The following CYP27A1 variants were observed in gnomAD, a reference collection of about 807,000 sequenced individuals.
CYP27A1 encodes the protein sterol 26-hydroxylase, mitochondrial.
A neutral mutation model predicts 58.2 loss-of-function variants in CYP27A1; 46 were observed. The observed-to-expected ratio is 0.79, with a 90% CI of 0.62 to 1.01. CYP27A1 has a LOEUF of 1.01. Among genes scored for constraint, CYP27A1 ranks in the 50% least tolerant of loss-of-function variants. CYP27A1 has a pLI of 0.00. For synonymous variants in CYP27A1, 274 were observed against 285.1 expected (o/e 0.96, Z 0.39); for missense variants, 704 against 687.0 (o/e 1.02, Z -0.28).
chr2:218,805,378 A>C (rs536877129), intron 1 of CYP27A1, among the ~76,000 whole-genome samples: 2 of 152,158 alleles, frequency 1.3e-5, no homozygotes, highest in Non-Finnish European at 2.9e-5. Context: ...TGAGTGTCTT[A>C]TTAATGTGCT....
intron 1 of CYP27A1, among the ~76,000 whole-genome samples, chr2:218,783,672 G>A (rs914967366): frequency 6.6e-6 from 1 of 152,194 alleles, no homozygotes; most frequent in Non-Finnish European, 1.5e-5. Context: ...AGAACTCTGG[G>A]GGAGAAGCTG....
In CYP27A1 at chr2:218,809,737, A is replaced by C; in HGVS notation, c.416A>C (p.Gln139Pro). Reference sequence around the variant, plus strand: ...GAGCTATGGAAGGAGCACCGGGACCAGCACGACCTGACCTATGGGCCGTTC... The same window carrying C: ...GAGCTATGGAAGGAGCACCGGGACCCGCACGACCTGACCTATGGGCCGTTC... ...DMELWKEHRD[Q>P]HDLTYGPFTT... Residue 139 changes from glutamine (Q) to proline (P), a missense_variant, in exon 2 of 9, where the codon CAG becomes CCG. Physicochemically the swap from Gln to Pro is moderately conservative, Grantham distance 76. Coordinates refer to ENST00000258415, the MANE Select transcript of CYP27A1 (RefSeq NM_000784.4). 2 of 1,614,022 alleles carry C rather than the reference A, an allele frequency of 1.2e-6. No individual in the cohort carries two copies. The highest frequency in any genetic ancestry group is 2.2e-5 in the South Asian group (2 of 91,082).
At chr2:218,787,337 A>G (rs1943450255) in intron 1 of CYP27A1, among the ~76,000 whole-genome samples, 1 of 152,192 alleles carries the variant, frequency 6.6e-6, no homozygotes, top group African/African-American at 2.4e-5. Flanking sequence ...TGAAGAAAAG[A>G]CAATGAGGGA....
chr2:218,799,697 C>T (rs1943581109), intron 1 of CYP27A1, among the ~76,000 whole-genome samples: 1 of 152,036 alleles, frequency 6.6e-6, no homozygotes, highest in African/African-American at 2.4e-5. Context: ...ATACATACAT[C>T]CTATTGTTTC....
chr2:218,794,793 C>T (rs1044455410), intron 1 of CYP27A1, among the ~76,000 whole-genome samples: 2 of 152,110 alleles, frequency 1.3e-5, no homozygotes, highest in Non-Finnish European at 2.9e-5. Context: ...GGCTCCTTTT[C>T]AAAGGGGTCC....
rs139415581 is a variant in CYP27A1 at position 218,809,741 on chromosome 2, C to A, written c.420C>A (p.His140Gln). ...TATGGAAGGAGCACCGGGACCAGCA[C>A]GACCTGACCTATGGGCCGTTCACCA... ...MELWKEHRDQ[H>Q]DLTYGPFTTE... Residue 140 changes from histidine (H) to glutamine (Q), a missense_variant, in exon 2 of 9, where the codon CAC (histidine) becomes CAA (glutamine). Coordinates refer to ENST00000258415, the MANE Select transcript of CYP27A1 (RefSeq NM_000784.4). 6.2e-7 allele frequency: 1 copy of A among 1,613,892 alleles called. No homozygotes were observed. The highest frequency in any genetic ancestry group is 8.5e-7 in the Non-Finnish European group (1 of 1,179,830).
intron 2 of CYP27A1, among the ~76,000 whole-genome samples, chr2:218,811,069 T>C (rs904332770): frequency 1.2e-4 from 19 of 152,198 alleles, no homozygotes; most frequent in African/African-American, 4.6e-4. Flanking sequence ...GAGAATCGCT[T>C]GAACCTGGGA....
chr2:218,796,585 C>T (rs1943550138), intron 1 of CYP27A1, among the ~76,000 whole-genome samples: 1 of 152,142 alleles, frequency 6.6e-6, no homozygotes, highest in Non-Finnish European at 1.5e-5. Flanking sequence ...CAGAGCAAGA[C>T]TCTGTCTCAA....
chr2:218,782,190 C>T lies in CYP27A1; in HGVS notation c.8C>T (p.Ala3Val). 9.8e-6 allele frequency: 15 copies of T among 1,536,850 alleles called. No homozygotes were observed. Among genetic ancestry groups the T allele is most frequent in the Non-Finnish European group, 1.3e-5 (15 of 1,146,006 alleles). The change falls in exon 1 of 9, where the codon GCG becomes GTG. Residue 3 changes from alanine (A) to valine (V), a missense_variant. By Grantham distance (64) the Ala-to-Val change is moderately conservative (BLOSUM62 0). Coordinates refer to ENST00000258415, the MANE Select transcript of CYP27A1 (RefSeq NM_000784.4). The surrounding 1 kb of genome is among the most constrained non-coding windows in gnomAD (Gnocchi z 4.1). Reference sequence around the variant, plus strand: ...GGCGCGCGAGCACAACCCATGGCTGCGCTGGGCTGCGCGAGGCTGAGGTGG... The same window carrying T: ...GGCGCGCGAGCACAACCCATGGCTGTGCTGGGCTGCGCGAGGCTGAGGTGG... Reference protein sequence around the residue: MAALGCARLRWAL... With the variant: MAVLGCARLRWAL...
At chr2:218,806,951 ATTTTTTT>A (rs10647379) in intron 1 of CYP27A1, among the ~76,000 whole-genome samples, 4 of 100,512 alleles carry the variant, frequency 4.0e-5, no homozygotes, top group African/African-American at 1.3e-4. Flanking sequence ...CTCCTAGGGA[ATTTTTTT>A]TTTTTTTTTT....
At chr2:218,798,280 C>T (rs1472990213) in intron 1 of CYP27A1, among the ~76,000 whole-genome samples, 1 of 152,234 alleles carries the variant, frequency 6.6e-6, no homozygotes, top group Non-Finnish European at 1.5e-5. Context: ...TCTGGGATTA[C>T]AGGCATGGGT....
chr2:218,798,863 A>T (rs1696120632), intron 1 of CYP27A1, among the ~76,000 whole-genome samples: 1 of 149,468 alleles, frequency 6.7e-6, no homozygotes, highest in Non-Finnish European at 1.5e-5. Context: ...AGCCTGGGTG[A>T]CAGAGCGAGA....
chr2:218,809,543 G>C, intron 1 of CYP27A1, 34 bp from the exon 2 acceptor site: 1 of 1,512,736 alleles, frequency 6.6e-7, no homozygotes, highest in Non-Finnish European at 8.9e-7. Flanking sequence ...TGCCCAGCTT[G>C]GCCCAGTTAT....
intron 1 of CYP27A1, among the ~76,000 whole-genome samples, chr2:218,799,848 G>A (rs758538006): frequency 6.6e-6 from 1 of 151,422 alleles, no homozygotes; most frequent in Non-Finnish European, 1.5e-5. Context: ...CCAATGACTT[G>A]TGCCCAGTGT....
Position 218,812,338 on chromosome 2 carries a change from G to T in CYP27A1, c.563G>T (p.Arg188Leu). Reference protein sequence around the residue: ...FNEVIDDFMTRLDQLRAESAS... With the variant: ...FNEVIDDFMTLLDQLRAESAS... ...GAGGTGATTGATGACTTTATGACTC[G>T]ACTGGACCAGCTGCGGGCAGAGAGT... Residue 188 changes from arginine to leucine, a missense_variant, in exon 3 of 9, where the codon CGA becomes CTA. By Grantham distance (102) the Arg-to-Leu change is moderately radical. Transcript: ENST00000258415. The T allele has an allele frequency of 6.2e-7, 1 of 1,614,164 alleles. No individual in the cohort carries two copies. Among genetic ancestry groups the T allele is most frequent in the Non-Finnish European group, 8.5e-7 (1 of 1,180,018 alleles).
Position 218,788,761 on chromosome 2 carries a change from G to A in CYP27A1, c.255+6324G>A, listed in dbSNP as rs1335147076. On this transcript the variant is annotated intron_variant, in intron 1 of 8. Coordinates refer to ENST00000258415, the MANE Select transcript of CYP27A1 (RefSeq NM_000784.4). Reference sequence around the variant, plus strand: ...TCTTCCTATTTGGCTTCCTTCTTCTGGATTTTGTTAACACCACTCCCATTC... The same window carrying A: ...TCTTCCTATTTGGCTTCCTTCTTCTAGATTTTGTTAACACCACTCCCATTC... Among the ~76,000 whole-genome samples, 3 of 152,080 alleles carry A rather than the reference G, an allele frequency of 2.0e-5. No individual in the cohort carries two copies. In the East Asian group the frequency reaches 5.8e-4, roughly 29 times the overall value.
rs369325272 is a variant in CYP27A1, at chr2:218,815,042, G to T, written c.*12G>T. 1.2e-6 allele frequency: 2 copies of T among 1,614,164 alleles called. No individual in the cohort carries two copies. Among genetic ancestry groups the T allele is most frequent in the Non-Finnish European group, 8.5e-7 (1 of 1,179,996 alleles). ...AGAGACAGTGCTGAGCTGAGTCTCC[G>T]CCTTGCTGGGGCTTGTCCTAGAGGC... On this transcript the variant is annotated 3_prime_UTR_variant, in exon 9 of 9. Coordinates refer to ENST00000258415, the MANE Select transcript of CYP27A1 (RefSeq NM_000784.4).
intron 1 of CYP27A1, among the ~76,000 whole-genome samples, chr2:218,788,295 A>T (rs555362601): frequency 6.6e-6 from 1 of 152,216 alleles, no homozygotes; most frequent in African/African-American, 2.4e-5. Context: ...GTCTTAGAAC[A>T]CTTGGACTTC....
At chr2:218,783,257 C>CAAAAAAAAAAAAAAAAA (rs371442397) in intron 1 of CYP27A1, among the ~76,000 whole-genome samples, 1 of 79,526 alleles carries the variant, frequency 1.3e-5, no homozygotes, top group African/African-American at 4.2e-5. Flanking sequence ...AACTCTGTCT[C>CAAAAAAAAAAAAAAAAA]AAAAAAAAAA....
Sources: allele counts gnomAD v4.1 joint callset (sites outside exome capture counted in the v4.1 genomes callset), GRCh38; gene constraint gnomAD v4.1.1; non-coding constraint Gnocchi (gnomAD v3.1); transcripts MANE v1.5; gene names NCBI Gene and HGNC (gene_info 2026-07-23, HGNC 2026-07-21).